Variants in DRICH1 observed in about 807,000 individuals in gnomAD.
DRICH1 encodes the protein aspartate rich 1, also known as aspartate-rich protein 1.
DRICH1 carries 38 observed loss-of-function variants against 39.5 expected under a neutral mutation model. The observed-to-expected ratio is 0.96, with a 90% confidence interval of 0.74 to 1.26. The LOEUF is 1.26. Ranked by LOEUF, DRICH1 falls within the 50% of genes most tolerant of loss-of-function variation. The pLI, the probability that DRICH1 is intolerant of heterozygous loss-of-function variation, is 0.00. For missense variants in DRICH1, 279 were observed against 270.4 expected, an observed-to-expected ratio of 1.03 and a Z score of -0.22; for synonymous variants, 84 against 99.5, an observed-to-expected ratio of 0.84 and a Z score of 0.93.
chr22:23,618,481 AGTCATGATT>A (rs1927512667), intron 6 of DRICH1, among the ~76,000 whole-genome samples: 1 of 152,168 alleles, frequency 6.6e-6, no homozygotes, highest in East Asian at 1.9e-4. Context: ...AATTAAAAAT[AGTCATGATT>A]TCCTCTTTGT....
At chr22:23,622,669 C>CTCT (rs1927823846) in intron 3 of DRICH1, among the ~76,000 whole-genome samples, 3 of 85,316 alleles carry the variant, frequency 3.5e-5, no homozygotes, top group African/African-American at 1.3e-4. Flanking sequence ...CATTCTTTTT[C>CTCT]ATAGAGACCA....
chr22:23,615,484 T>C (rs1927302899), intron 8 of DRICH1, among the ~76,000 whole-genome samples: 1 of 152,138 alleles, frequency 6.6e-6, no homozygotes, highest in African/African-American at 2.4e-5. Flanking sequence ...TTATCAGCTG[T>C]CAACATGAAG....
the DRICH1 span, among the ~76,000 whole-genome samples, chr22:23,592,833 A>AGCAC: frequency 9.3e-6 from 1 of 107,722 alleles, no homozygotes; most frequent in African/African-American, 3.4e-5. Flanking sequence ...CTCTATTAAA[A>AGCAC]ATACACACAC....
At chr22:23,602,916 C>A in the DRICH1 span, among the ~76,000 whole-genome samples, 1 of 151,992 alleles carries the variant, frequency 6.6e-6, no homozygotes, top group Non-Finnish European at 1.5e-5. Flanking sequence ...GTTTAATGTT[C>A]CCTACCATGG....
intron 6 of DRICH1, among the ~76,000 whole-genome samples, chr22:23,618,754 C>T (rs914781511): frequency 6.6e-6 from 1 of 152,102 alleles, no homozygotes; most frequent in Non-Finnish European, 1.5e-5. Context: ...AAATGTATAT[C>T]AATAGAAATG....
the DRICH1 span, among the ~76,000 whole-genome samples, chr22:23,600,302 G>T: frequency 5.9e-3 from 891 of 152,246 alleles, 4 homozygotes; most frequent in African/African-American, 0.021. Context: ...TGACCTTCAG[G>T]GACCCACTTC....
chr22:23,621,966 G>C, intron 4 of DRICH1, 125 bp downstream of exon 4: 1 of 863,000 alleles, frequency 1.2e-6, no homozygotes, highest in Non-Finnish European at 1.9e-6. Context: ...ACAAAGAAAG[G>C]AAAGAAAATC....
intron 5 of DRICH1, 54 bp from the exon 6 acceptor site, chr22:23,619,447 C>T (rs1927579924): frequency 1.3e-6 from 1 of 774,892 alleles, no homozygotes. Context: ...CTATGTGCCT[C>T]AAATAACCAT....
At chr22:23,603,092 G>A in the DRICH1 span, among the ~76,000 whole-genome samples, 9 of 145,428 alleles carry the variant, frequency 6.2e-5, no homozygotes, top group East Asian at 2.1e-4. Flanking sequence ...TGCAACCTCC[G>A]CCTCCCAGGT....
the DRICH1 span, among the ~76,000 whole-genome samples, chr22:23,603,091 C>T: frequency 2.0e-5 from 3 of 151,146 alleles, no homozygotes; most frequent in Non-Finnish European, 4.4e-5. Flanking sequence ...CTGCAACCTC[C>T]GCCTCCCAGG....
intron 8 of DRICH1, among the ~76,000 whole-genome samples, chr22:23,614,488 G>A (rs1183019580): frequency 6.6e-6 from 1 of 152,204 alleles, no homozygotes; most frequent in East Asian, 1.9e-4. Flanking sequence ...AGGGTCAGTG[G>A]AAGAGTGCCT....
chr22:23,623,870 G>A (rs1183298344), intron 3 of DRICH1: 1 of 837,434 alleles, frequency 1.2e-6, no homozygotes, highest in Middle Eastern at 6.0e-4. Context: ...TTCAATGAAG[G>A]TACCAAGAAT....
the DRICH1 span, among the ~76,000 whole-genome samples, chr22:23,598,542 G>A: frequency 1.3e-5 from 2 of 152,196 alleles, no homozygotes; most frequent in Non-Finnish European, 1.5e-5. Context: ...GTCTCACCCT[G>A]TGGCTGGGGC....
chr22:23,620,457 C>T (rs1257117530), intron 5 of DRICH1, 137 bp downstream of exon 5: 2 of 1,022,218 alleles, frequency 2.0e-6, no homozygotes, highest in African/African-American at 1.6e-5. Context: ...AGCCCCTCTG[C>T]TCATAGTTAT....
chr22:23,622,232 T>G (rs111502660), intron 3 of DRICH1, 56 bp from the exon 4 acceptor site: 17 of 1,500,318 alleles, frequency 1.1e-5, no homozygotes, highest in Non-Finnish European at 1.5e-5. Context: ...TGTGAGTCAC[T>G]CAGGGAGCTT....
chr22:23,593,662 G>C, the DRICH1 span, among the ~76,000 whole-genome samples: 1 of 149,644 alleles, frequency 6.7e-6, no homozygotes, highest in South Asian at 2.1e-4. Context: ...AGCTGGGCAT[G>C]ATGTCGCGCG....
chr22:23,624,939 A>C (rs760695827), intron 2 of DRICH1, 35 bp from the exon 3 acceptor site: 1 of 1,609,960 alleles, frequency 6.2e-7, no homozygotes, highest in Non-Finnish European at 8.5e-7. Flanking sequence ...TATGAGGATC[A>C]GATCAATTCT....
intron 1 of DRICH1, 110 bp downstream of exon 1, chr22:23,631,706 G>A (rs533613337): frequency 5.5e-6 from 5 of 911,176 alleles, no homozygotes; most frequent in Non-Finnish European, 8.6e-6. Context: ...GCTGGCTATG[G>A]ACAGGAGGGA....
chr22:23,626,071 T>A, intron 1 of DRICH1, 23 bp from the exon 2 acceptor site: 1 of 1,579,824 alleles, frequency 6.3e-7, no homozygotes, highest in Non-Finnish European at 8.7e-7. Context: ...AGAGTTAATG[T>A]CAGTGCCCTG....
Sources: gnomAD v4.1 joint callset for allele counts (sites outside exome capture counted in the v4.1 genomes callset) on GRCh38, gnomAD v4.1.1 for gene constraint, MANE v1.5 for transcripts, NCBI Gene and HGNC (gene_info 2026-07-23, HGNC 2026-07-21) for gene names.